Variants in ZSCAN5A observed in about 807,000 individuals in gnomAD.
ZSCAN5A encodes zinc finger and SCAN domain containing 5A, also known as zinc finger and SCAN domain-containing protein 5A.
In ZSCAN5A, 12 loss-of-function variants were observed where a neutral mutation model predicts 23.7. The observed-to-expected ratio is 0.51, with a 90% confidence interval of 0.32 to 0.82. The LOEUF (loss-of-function observed/expected upper bound fraction) is 0.82, where lower values mean the gene tolerates loss of function less well. ZSCAN5A is among the 40% of genes least tolerant of loss of function. The probability of loss-of-function intolerance (pLI) is 0.03; values close to 1 mark genes in which losing one functional copy is unlikely to be tolerated. For missense variants in ZSCAN5A, 597 were observed against 617.9 expected (o/e 0.97, Z 0.36); for synonymous variants, 257 against 239.9 (o/e 1.07, Z -0.66).
At chr19:56,327,494 T>C (rs2041445396) in intron 2 of ZSCAN5A, among the ~76,000 whole-genome samples, 1 of 150,594 alleles carries the variant, frequency 6.6e-6, no homozygotes, top group African/African-American at 2.4e-5. Context: ...TTTTATAATG[T>C]ACATGTTAAA....
intron 2 of ZSCAN5A, among the ~76,000 whole-genome samples, chr19:56,331,163 T>C (rs2041485019): frequency 6.6e-6 from 1 of 152,222 alleles, no homozygotes; most frequent in South Asian, 2.1e-4. Context: ...CATTGATCTA[T>C]GTCTGTTTTT....
chr19:56,225,402 A>G (rs2033825361), intron 2 of ZSCAN5A: 1 of 203,434 alleles, frequency 4.9e-6, no homozygotes. Flanking sequence ...TTTCCTGTCA[A>G]TTGGAACAAC....
chr19:56,308,162 T>C (rs551673806), intron 2 of ZSCAN5A, among the ~76,000 whole-genome samples: 2 of 152,316 alleles, frequency 1.3e-5, no homozygotes, highest in African/African-American at 4.8e-5. Flanking sequence ...GCCTCCCAAG[T>C]AGCTGGGACT....
At chr19:56,292,103 C>T (rs893719645) in intron 2 of ZSCAN5A, among the ~76,000 whole-genome samples, 1 of 152,158 alleles carries the variant, frequency 6.6e-6, no homozygotes, top group Non-Finnish European at 1.5e-5. Flanking sequence ...TGCTTAACCA[C>T]GGTGCTGTGC....
chr19:56,341,735 G>A (rs1462679192), intron 2 of ZSCAN5A, among the ~76,000 whole-genome samples: 1 of 126,042 alleles, frequency 7.9e-6, no homozygotes, highest in African/African-American at 3.2e-5. Context: ...AAACCCTTCT[G>A]CAGTGCACAG....
intron 2 of ZSCAN5A, chr19:56,354,525 G>A (rs1443316012): frequency 2.6e-5 from 4 of 152,224 alleles, no homozygotes; most frequent in East Asian, 1.9e-4. Context: ...TGGGGTCAAT[G>A]TCACATTGAA....
At chr19:56,275,187 G>A (rs1374626426) in intron 2 of ZSCAN5A, among the ~76,000 whole-genome samples, 4 of 152,072 alleles carry the variant, frequency 2.6e-5, no homozygotes, top group African/African-American at 7.2e-5. Context: ...TAATAAATAC[G>A]CTGGGGGAGA....
chr19:56,247,249 C>T (rs756256159), intron 2 of ZSCAN5A: 15 of 405,470 alleles, frequency 3.7e-5, no homozygotes, highest in Non-Finnish European at 6.0e-5. Context: ...CTGTCACAAA[C>T]GGTTCAACAG....
At chr19:56,354,289 G>T (rs1038809512) in intron 2 of ZSCAN5A, among the ~76,000 whole-genome samples, 27 of 152,094 alleles carry the variant, frequency 1.8e-4, no homozygotes, top group African/African-American at 6.3e-4. Flanking sequence ...TCAATTGTTT[G>T]TTTGTATTTT....
intron 2 of ZSCAN5A, among the ~76,000 whole-genome samples, chr19:56,255,779 C>G (rs746600875): frequency 6.6e-6 from 1 of 152,078 alleles, no homozygotes; most frequent in Non-Finnish European, 1.5e-5. Flanking sequence ...TCCCAAAGCA[C>G]CTGGCTCTAT....
intron 2 of ZSCAN5A, among the ~76,000 whole-genome samples, chr19:56,243,340 T>C (rs1181250898): frequency 6.6e-6 from 1 of 152,112 alleles, no homozygotes; most frequent in Non-Finnish European, 1.5e-5. Flanking sequence ...TGCCATGAAA[T>C]TGTGCACTTC....
chr19:56,298,984 T>A lies in ZSCAN5A; in HGVS notation c.-128+14299A>T, dbSNP rs118068810. Among the ~76,000 whole-genome samples, 82 of 152,342 alleles carry A rather than the reference T, an allele frequency of 5.4e-4. No individual in the cohort carries two copies. The East Asian group carries it at 0.015, about 28-fold the overall frequency. ...TTTGGCAATACATGTTAAACAATCA[T>A]GACTAAATTCACTTTATTCCAGCAA... On this transcript the variant is annotated intron_variant, in intron 2 of 5. Coordinates refer to ENST00000683990, the MANE Select transcript of ZSCAN5A (RefSeq NM_001322064.3).
chr19:56,279,305 T>G (rs1296147821), intron 2 of ZSCAN5A, among the ~76,000 whole-genome samples: 2 of 152,150 alleles, frequency 1.3e-5, no homozygotes, highest in Non-Finnish European at 2.9e-5. Context: ...CCTACTAGAC[T>G]GCAAGACTGT....
intron 2 of ZSCAN5A, among the ~76,000 whole-genome samples, chr19:56,233,779 A>G (rs1047630416): frequency 9.2e-5 from 14 of 151,908 alleles, no homozygotes; most frequent in Non-Finnish European, 2.1e-4. Context: ...CTGTATCAGC[A>G]TGTGTGTTAA....
At chr19:56,228,976 T>A (rs866955432) in intron 2 of ZSCAN5A, among the ~76,000 whole-genome samples, 1 of 151,898 alleles carries the variant, frequency 6.6e-6, no homozygotes, top group East Asian at 1.9e-4. Flanking sequence ...GGTGATAGGG[T>A]GGTTTATAGA....
chr19:56,226,803 A>G (rs1033918366), intron 2 of ZSCAN5A, among the ~76,000 whole-genome samples: 8 of 152,182 alleles, frequency 5.3e-5, no homozygotes, highest in African/African-American at 1.9e-4. Context: ...AAAACTACCT[A>G]TTGGGTACTA....
At chr19:56,248,715 G>A (rs945523688) in intron 2 of ZSCAN5A, among the ~76,000 whole-genome samples, 2 of 152,094 alleles carry the variant, frequency 1.3e-5, no homozygotes, top group Non-Finnish European at 2.9e-5. Context: ...GTATACGTGT[G>A]AGCCACCACG....
chr19:56,313,156 A>G (rs2041149524), intron 2 of ZSCAN5A, 127 bp downstream of exon 2: 1 of 219,616 alleles, frequency 4.6e-6, no homozygotes, highest in Admixed American at 5.8e-5. Flanking sequence ...AAACTGCTAA[A>G]AGCCACGGAA....
At chr19:56,331,498 G>T (rs569951488) in intron 2 of ZSCAN5A, among the ~76,000 whole-genome samples, 36 of 142,866 alleles carry the variant, frequency 2.5e-4, no homozygotes, top group African/African-American at 8.3e-4. Flanking sequence ...AGTTCCCCTG[G>T]TAGAGATGTT....
Sources: allele counts gnomAD v4.1 joint callset (sites outside exome capture counted in the v4.1 genomes callset), GRCh38; gene constraint gnomAD v4.1.1; transcripts MANE v1.5; gene names NCBI Gene and HGNC (gene_info 2026-07-23, HGNC 2026-07-21).